HSD17B14: variants seen among roughly 807,000 people sequenced by gnomAD.
HSD17B14 encodes the protein L-fucose dehydrogenase.
In HSD17B14, 32 loss-of-function variants were observed where a neutral mutation model predicts 32.2. The observed-to-expected ratio is 0.99, with a 90% CI of 0.75 to 1.33. The LOEUF is 1.33. HSD17B14 is among the 40% of genes most tolerant of loss of function. HSD17B14 has a pLI of 0.00. For synonymous variants in HSD17B14, 140 were observed against 155.4 expected (o/e 0.90, Z 0.74); for missense variants, 370 against 366.5 (o/e 1.01, Z -0.08).
At position 48,813,091 on chromosome 19, in the gene HSD17B14, G is replaced by C; in HGVS notation, c.*84C>G. Reference sequence around the variant, plus strand: ...CTTGCTAACTGGGCTTAGAGTCTAAGGGCTTGGGGGCTGCATCTGATACAG... The same window carrying C: ...CTTGCTAACTGGGCTTAGAGTCTAACGGCTTGGGGGCTGCATCTGATACAG... On this transcript the variant is annotated 3_prime_UTR_variant, in exon 9 of 9. Coordinates refer to ENST00000263278, the MANE Select transcript of HSD17B14 (RefSeq NM_016246.3). 2.3e-6 allele frequency: 2 copies of C among 871,968 alleles called. No homozygotes were observed. The highest frequency in any genetic ancestry group is 3.5e-6 in the Non-Finnish European group (2 of 566,014). 54.0% of individuals were successfully genotyped at this position (871,968 alleles called of 1,614,324 possible). A position where few individuals can be genotyped will look rare whatever the true frequency, so the allele number is the denominator to read the frequency against.
intron 5 of HSD17B14, among the ~76,000 whole-genome samples, chr19:48,826,655 G>A (rs1014014187): frequency 6.6e-6 from 1 of 150,486 alleles, no homozygotes; most frequent in Admixed American, 6.7e-5. Context: ...ATCCTAGAAA[G>A]TCAACACAAA....
At chr19:48,829,315 T>C (rs952648122) in intron 5 of HSD17B14, among the ~76,000 whole-genome samples, 1 of 150,476 alleles carries the variant, frequency 6.6e-6, no homozygotes, top group Non-Finnish European at 1.5e-5. Flanking sequence ...CAGCCTCCCG[T>C]GTAGCTGGGA....
chr19:48,821,940 CGTGGTAATGATGGTTACGATT>C (rs1252033285), intron 5 of HSD17B14, among the ~76,000 whole-genome samples: 1 of 150,742 alleles, frequency 6.6e-6, no homozygotes, highest in Non-Finnish European at 1.5e-5. Flanking sequence ...AGGATGGTGA[CGTGGTAATGATGGTTACGATT>C]GTGGTAATGA....
intron 6 of HSD17B14, among the ~76,000 whole-genome samples, 184 bp downstream of exon 6, chr19:48,814,852 AG>A (rs4002563): frequency 0.49 from 68,423 of 140,382 alleles, 16,242 homozygotes; most frequent in Non-Finnish European, 0.51. Context: ...AAAAAAAAAA[AG>A]AAAAGAAAAG....
chr19:48,827,790 G>A (rs1014658724), intron 5 of HSD17B14, among the ~76,000 whole-genome samples: 1 of 151,406 alleles, frequency 6.6e-6, no homozygotes, highest in Admixed American at 6.6e-5. Flanking sequence ...CACCCGCCTT[G>A]GCATCCCAAA....
At chr19:48,834,553 G>T (rs1169441938) in intron 2 of HSD17B14, among the ~76,000 whole-genome samples, 195 bp from the exon 3 acceptor site, 3 of 83,866 alleles carry the variant, frequency 3.6e-5, no homozygotes, top group Admixed American at 2.2e-4. Flanking sequence ...GTCTGAGGGA[G>T]GAAGGGCTGG....
intron 5 of HSD17B14, among the ~76,000 whole-genome samples, chr19:48,816,741 G>A (rs1465102225): frequency 1.3e-5 from 2 of 150,434 alleles, no homozygotes; most frequent in East Asian, 1.9e-4. Flanking sequence ...CTTGAACCCA[G>A]GTGTTTGAGG....
Position 48,813,569 on chromosome 19 carries a change from G to T in HSD17B14, c.543-17C>A. 6.2e-7 allele frequency: 1 copy of T among 1,613,454 alleles called. No individual in the cohort carries two copies. The highest frequency in any genetic ancestry group is 8.5e-7 in the Non-Finnish European group (1 of 1,179,448). Reference sequence around the variant, plus strand: ...GGGGAGATACTAGAGGAAGGGAGAGGGGGGATCAAAGCAATCTGTCTCGAA... The same window carrying T: ...GGGGAGATACTAGAGGAAGGGAGAGTGGGGATCAAAGCAATCTGTCTCGAA... On this transcript the variant is annotated splice_polypyrimidine_tract_variant and intron_variant, in intron 7 of 8. Coordinates refer to ENST00000263278, the MANE Select transcript of HSD17B14 (RefSeq NM_016246.3).
In HSD17B14 at chr19:48,832,658, C is replaced by A; in HGVS notation, c.277+8G>T. The A allele has an allele frequency of 6.2e-7, 1 of 1,612,396 alleles. No homozygotes were observed. The highest frequency in any genetic ancestry group is 2.2e-5 in the East Asian group (1 of 44,854). The stretch of plus-strand genomic sequence containing the variant: ...GGTGGAGAATGGCCCTGGGGTCTCA[C>A]AACTCACGGTGGCCAGCGTTGTTGA... On this transcript the variant is annotated splice_region_variant and intron_variant, in intron 4 of 8. Coordinates refer to ENST00000263278, the MANE Select transcript of HSD17B14 (RefSeq NM_016246.3).
Position 48,813,080 on chromosome 19 carries a change from T to TTA in HSD17B14, c.*93_*94dup, listed in dbSNP as rs1487882189. Reference sequence around the variant, plus strand: ...TGACCCGGCACCTTGCTAACTGGGCTTAGAGTCTAAGGGCTTGGGGGCTGC... The same window carrying TTA: ...TGACCCGGCACCTTGCTAACTGGGCTTATAGAGTCTAAGGGCTTGGGGGCTGC... On this transcript the variant is annotated 3_prime_UTR_variant, in exon 9 of 9. Transcript: ENST00000263278. 7.8e-6 allele frequency: 6 copies of TTA among 765,392 alleles called. No individual in the cohort carries two copies. Among genetic ancestry groups the TTA allele is most frequent in the Non-Finnish European group, 1.3e-5 (6 of 477,062 alleles). 47.4% of individuals were successfully genotyped at this position (765,392 alleles called of 1,614,324 possible).
chr19:48,831,032 C>T (rs906004259), intron 5 of HSD17B14, among the ~76,000 whole-genome samples: 6 of 151,864 alleles, frequency 4.0e-5, no homozygotes, highest in Admixed American at 6.6e-5. Context: ...TGGGGGGTTT[C>T]GCTGTATTGC....
intron 1 of HSD17B14, 55 bp downstream of exon 1, chr19:48,836,269 C>A: frequency 6.5e-7 from 1 of 1,534,934 alleles, no homozygotes; most frequent in South Asian, 1.1e-5. Flanking sequence ...CATCACCCCG[C>A]CCCCATCCTT....
intron 5 of HSD17B14, among the ~76,000 whole-genome samples, chr19:48,821,881 G>A (rs1275436105): frequency 6.6e-6 from 1 of 152,018 alleles, no homozygotes; most frequent in Non-Finnish European, 1.5e-5. Flanking sequence ...TGATCATGAT[G>A]GTGATTTTGG....
rs780700121 is a variant in HSD17B14, at chr19:48,815,026, G to C, written c.474+11C>G. ...AGTAGGGAGGGAAGGAAGGGGTAGG[G>C]GCTGCCATACCTTGGTGGCCACATA... On this transcript the variant is annotated intron_variant, in intron 6 of 8. Transcript: ENST00000263278. 1.2e-6 allele frequency: 2 copies of C among 1,604,110 alleles called. No individual in the cohort carries two copies. Among genetic ancestry groups the C allele is most frequent in the African/African-American group, 2.7e-5 (2 of 74,600 alleles).
intron 5 of HSD17B14, among the ~76,000 whole-genome samples, chr19:48,818,247 G>T (rs1169689304): frequency 6.7e-6 from 1 of 150,176 alleles, no homozygotes; most frequent in Non-Finnish European, 1.5e-5. Flanking sequence ...GGAGGCAGAG[G>T]TTGCAGTAAG....
chr19:48,816,844 CTCTT>C (rs1459325678), intron 5 of HSD17B14, among the ~76,000 whole-genome samples: 49 of 84,572 alleles, frequency 5.8e-4, no homozygotes, highest in Non-Finnish European at 1.0e-3. Flanking sequence ...CTCTCTCTCT[CTCTT>C]TCTTTCAGAT....
At chr19:48,817,636 A>G (rs2035079208) in intron 5 of HSD17B14, among the ~76,000 whole-genome samples, 1 of 152,168 alleles carries the variant, frequency 6.6e-6, no homozygotes, top group Non-Finnish European at 1.5e-5. Context: ...CAGCATGCAG[A>G]AACCTATGAG....
chr19:48,832,757 GT>G (rs372590687), intron 3 of HSD17B14, 25 bp from the exon 4 acceptor site: 154,937 of 1,377,576 alleles, frequency 0.11, 1,406 homozygotes, highest in Non-Finnish European at 0.13. Flanking sequence ...AATGTCCTTT[GT>G]TTTTTTTTTT....
intron 5 of HSD17B14, among the ~76,000 whole-genome samples, chr19:48,818,185 C>T (rs575078834): frequency 3.8e-4 from 57 of 151,896 alleles, no homozygotes; most frequent in African/African-American, 1.3e-3. Flanking sequence ...GTGGTGCGTG[C>T]CTGTAATCCC....
Sources: gnomAD v4.1 joint callset for allele counts (sites outside exome capture counted in the v4.1 genomes callset) on GRCh38, gnomAD v4.1.1 for gene constraint, MANE v1.5 for transcripts, NCBI Gene and HGNC (gene_info 2026-07-23, HGNC 2026-07-21) for gene names.